Variants in NLRP2 observed in about 807,000 individuals in gnomAD.
NLRP2 encodes the protein NLR family pyrin domain containing 2.
In NLRP2, 107 loss-of-function variants were observed where a neutral mutation model predicts 97.2. The observed-to-expected ratio is 1.10, with a 90% CI of 0.94 to 1.29. The LOEUF is 1.29. Ranked by LOEUF, NLRP2 falls within the 50% of genes most tolerant of loss-of-function variation. The probability of loss-of-function intolerance (pLI) is 0.00; values close to 1 mark genes in which losing one functional copy is unlikely to be tolerated. For synonymous variants in NLRP2, 663 were observed against 551.5 expected, an observed-to-expected ratio of 1.20 and a Z score of -2.83; for missense variants, 1,495 against 1,330.3, an observed-to-expected ratio of 1.12 and a Z score of -1.93.
At chr19:54,999,184 G>C (rs2073043926) in intron 12 of NLRP2, among the ~76,000 whole-genome samples, 1 of 151,872 alleles carries the variant, frequency 6.6e-6, no homozygotes, top group South Asian at 2.1e-4. Context: ...TTTTACTCTT[G>C]TTGTCCAGCC....
At chr19:54,972,127 C>G (rs900895160) in intron 2 of NLRP2, among the ~76,000 whole-genome samples, 1 of 151,426 alleles carries the variant, frequency 6.6e-6, no homozygotes, top group African/African-American at 2.4e-5. Context: ...CAGGCGTGAG[C>G]CACCGCACCC....
chr19:54,984,485 C>CTTTTTTT lies in NLRP2; in HGVS notation c.2031-553_2031-547dup, dbSNP rs36061621. On this transcript the variant is annotated intron_variant, in intron 6 of 12. Coordinates refer to ENST00000448584, the MANE Select transcript of NLRP2 (RefSeq NM_017852.5). ...ATGTATAGATATGTATATTCCCAAT[C>CTTTTTTT]TTTTTTTTTTTTTTTGAGACGGAGT... Among the ~76,000 whole-genome samples the CTTTTTTT allele has an allele frequency of 3.8e-3, 292 of 76,904 alleles. 42 individuals carry two copies. Among genetic ancestry groups the CTTTTTTT allele is most frequent in the African/African-American group, 0.013 (178 of 13,230 alleles). 50.5% of individuals were successfully genotyped at this position (76,904 alleles called of 152,430 possible). A position where few individuals can be genotyped will look rare whatever the true frequency, so the allele number is the denominator to read the frequency against.
Position 54,997,504 on chromosome 19 carries a change from TC to T in NLRP2, c.3050+21del, listed in dbSNP as rs1318046800. The T allele has an allele frequency of 1.9e-6, 3 of 1,613,832 alleles. No homozygotes were observed. The Admixed American group carries it at 5.0e-5, about 27-fold the overall frequency. Reference sequence around the variant, plus strand: ...GACACTCAGGTATGATCCATTTACTTCCCCATCAGGCTTTCTCCAGAGTGGT... The same window carrying T: ...GACACTCAGGTATGATCCATTTACTTCCCATCAGGCTTTCTCCAGAGTGGT... On this transcript the variant is annotated intron_variant, in intron 12 of 12. Coordinates refer to ENST00000448584, the MANE Select transcript of NLRP2 (RefSeq NM_017852.5).
chr19:54,996,690 CTA>C (rs944401830), intron 11 of NLRP2, among the ~76,000 whole-genome samples: 41 of 152,010 alleles, frequency 2.7e-4, no homozygotes, highest in African/African-American at 9.2e-4. Flanking sequence ...CCTGGATGTT[CTA>C]TTTTACGTGT....
At position 54,983,172 on chromosome 19, in the gene NLRP2, G is replaced by A. The variant is rs113204023; in HGVS notation, c.1474G>A (p.Asp492Asn). The change falls in exon 6 of 13, where the codon GAC (aspartate) becomes AAC (asparagine). Residue 492 changes from aspartate (D) to asparagine (N), a missense_variant. By Grantham distance (23) the Asp-to-Asn change is conservative. Coordinates refer to ENST00000448584, the MANE Select transcript of NLRP2 (RefSeq NM_017852.5). ...CCTGGACGGAGACATCCTCCGCCAG[G>A]ACAGAGTCTCCAAAGGCTGCTACTC... ...LFLDGDILRQ[D>N]RVSKGCYSFI... 1.9e-3 allele frequency: 2,987 copies of A among 1,613,930 alleles called. 5 individuals are homozygous for A. The highest frequency in any genetic ancestry group is 2.1e-3 in the Admixed American group (126 of 59,982).
intron 3 of NLRP2, chr19:54,976,830 GATACGGAGTCTCGC>G: frequency 7.9e-5 from 3 of 37,860 alleles, no homozygotes; most frequent in South Asian, 1.6e-4. Flanking sequence ...TTTTTTTTTT[GATACGGAGTCTCGC>G]TTGCTCTTTT....
At chr19:54,975,106 GTTTTT>G (rs558518586) in intron 3 of NLRP2, among the ~76,000 whole-genome samples, 7 of 58,702 alleles carry the variant, frequency 1.2e-4, no homozygotes, top group South Asian at 6.6e-4. Flanking sequence ...ACCCGGTTTT[GTTTTT>G]TTTTTTTTTT....
Position 54,970,249 on chromosome 19 carries a change from G to T in NLRP2, c.234G>T (p.Lys78Asn). 1 of 1,614,182 alleles carries T rather than the reference G, an allele frequency of 6.2e-7. No homozygotes were observed. Among genetic ancestry groups the T allele is most frequent in the Non-Finnish European group, 8.5e-7 (1 of 1,180,042 alleles). Residue 78 changes from lysine to asparagine, a missense_variant, in exon 2 of 13, where the codon AAG becomes AAT. Lys to Asn is a moderately conservative substitution (Grantham distance 94). Transcript: ENST00000448584. ...VEMASLQVFE[K>N]MHRMDLSERA... Reference sequence around the variant, plus strand: ...TGGCGAGCCTCCAGGTCTTTGAAAAGATGCACCGAATGGATCTGTCTGAGA... The same window carrying T: ...TGGCGAGCCTCCAGGTCTTTGAAAATATGCACCGAATGGATCTGTCTGAGA...
In NLRP2 at chr19:54,981,684, T is replaced by C; in HGVS notation, c.463+2T>C. The C allele has an allele frequency of 6.6e-7, 1 of 1,514,948 alleles. No homozygotes were observed. The highest frequency in any genetic ancestry group is 9.2e-7 in the Non-Finnish European group (1 of 1,089,648). 93.8% of individuals were successfully genotyped at this position (1,514,948 alleles called of 1,614,324 possible). The stretch of plus-strand genomic sequence containing the variant: ...AAGTCTTTAAAGGAAAAAAGCCAGG[T>C]CTGTACCATATCTTCCTGCAGGGAG... On this transcript the variant is annotated splice_donor_variant, in intron 5 of 12. Transcript: ENST00000448584. LOFTEE classifies it high-confidence loss of function.
rs1317079049 is a variant in NLRP2, at chr19:54,966,439, C to T, written c.-46C>T. 1 of 152,182 alleles carries T rather than the reference C, an allele frequency of 6.6e-6. No individual in the cohort carries two copies. The highest frequency in any genetic ancestry group is 1.5e-5 in the Non-Finnish European group (1 of 68,054). 9.4% of individuals were successfully genotyped at this position (152,182 alleles called of 1,614,324 possible). On this transcript the variant is annotated 5_prime_UTR_variant, in exon 1 of 13. Coordinates refer to ENST00000448584, the MANE Select transcript of NLRP2 (RefSeq NM_017852.5). Reference sequence around the variant, plus strand: ...TTTCTCAACCTGCAGCCCTCATCTCCGCCGGCGAGTAGGGCCAGGTGTTGG... The same window carrying T: ...TTTCTCAACCTGCAGCCCTCATCTCTGCCGGCGAGTAGGGCCAGGTGTTGG...
At chr19:54,994,557 G>T in intron 11 of NLRP2, 118 bp downstream of exon 11, 1 of 1,040,006 alleles carries the variant, frequency 9.6e-7, no homozygotes, top group South Asian at 1.3e-5. Context: ...CCTTTATAGA[G>T]TCGATCGAGC....
At chr19:54,976,149 G>A (rs374239928) in intron 3 of NLRP2, among the ~76,000 whole-genome samples, 5 of 150,774 alleles carry the variant, frequency 3.3e-5, no homozygotes, top group Non-Finnish European at 5.9e-5. Context: ...TCCGCCTCCC[G>A]GTTCAAGTGA....
Position 54,990,652 on chromosome 19 carries a change from G to A in NLRP2, c.2688G>A (p.Glu896=). ...KFLCEGLRYP[E]CKLQTLVLWN... ...TGTGTGAGGGCTTGAGGTACCCCGA[G>A]TGTAAACTGCAGACCTTGGTGTAAG... Residue 896 remains glutamate, a synonymous_variant, in exon 10 of 13, where the codon GAG becomes GAA. Transcript: ENST00000448584. The A allele has an allele frequency of 6.2e-7, 1 of 1,614,138 alleles. No individual in the cohort carries two copies. The highest frequency in any genetic ancestry group is 1.1e-5 in the South Asian group (1 of 91,082).
At chr19:54,997,248 G>A (rs1281773866) in intron 11 of NLRP2, 69 bp from the exon 12 acceptor site, 19 of 1,527,150 alleles carry the variant, frequency 1.2e-5, no homozygotes, top group Non-Finnish European at 1.6e-5. Flanking sequence ...CACGAGGGTG[G>A]GCTTGGCTTG....
At chr19:54,987,128 A>ACCCCCCCCCCCCCCC (rs763390795) in intron 8 of NLRP2, among the ~76,000 whole-genome samples, 6 of 138,752 alleles carry the variant, frequency 4.3e-5, no homozygotes, top group Non-Finnish European at 9.4e-5. Context: ...CAGGTGATCT[A>ACCCCCCCCCCCCCCC]CCCCCCCACC....
chr19:54,981,242 C>G (rs62124643), intron 4 of NLRP2, among the ~76,000 whole-genome samples: 4 of 152,022 alleles, frequency 2.6e-5, no homozygotes. Flanking sequence ...CGATCTCTTA[C>G]TACAACCTCC....
At chr19:54,993,241 A>G (rs2146525625) in intron 10 of NLRP2, 1 of 147,400 alleles carries the variant, frequency 6.8e-6, no homozygotes, top group East Asian at 2.0e-4. Context: ...AAAAGTTTCT[A>G]TACATTCATA....
chr19:54,997,358 T>C lies in NLRP2; in HGVS notation c.2921T>C (p.Leu974Pro), dbSNP rs1193397219. Reference sequence around the variant, plus strand: ...ATCCCTCCGTTCAGTTGTGAAGACCTCTGCTCTGCCCTCAGCTGCAACCAG... The same window carrying C: ...ATCCCTCCGTTCAGTTGTGAAGACCCCTGCTCTGCCCTCAGCTGCAACCAG... ...CSIPPFSCED[L>P]CSALSCNQSL... The change falls in exon 12 of 13, where the codon CTC (leucine) becomes CCC (proline). Residue 974 changes from leucine to proline, a missense_variant. Coordinates refer to ENST00000448584, the MANE Select transcript of NLRP2 (RefSeq NM_017852.5). The C allele has an allele frequency of 6.2e-7, 1 of 1,614,138 alleles. No individual in the cohort carries two copies. The highest frequency in any genetic ancestry group is 8.5e-7 in the Non-Finnish European group (1 of 1,180,040).
intron 8 of NLRP2, among the ~76,000 whole-genome samples, chr19:54,986,712 G>T (rs141367081): frequency 0.027 from 4,145 of 152,074 alleles, 82 homozygotes; most frequent in Non-Finnish European, 0.042. Flanking sequence ...CACCACGCCC[G>T]GCTAATTTTT....
Sources: gnomAD v4.1 joint callset for allele counts (sites outside exome capture counted in the v4.1 genomes callset) on GRCh38, gnomAD v4.1.1 for gene constraint, MANE v1.5 for transcripts, NCBI Gene and HGNC (gene_info 2026-07-23, HGNC 2026-07-21) for gene names.